SLC47A2: variants seen among roughly 807,000 people sequenced by gnomAD.
The protein encoded by SLC47A2 is solute carrier family 47 member 2, also known as multidrug and toxin extrusion protein 2.
Under a neutral mutation model 67.7 loss-of-function variants are expected in SLC47A2, and 52 were observed. The ratio of observed to expected loss-of-function variants is 0.77; its 90% confidence interval spans 0.61 to 0.97. The LOEUF (loss-of-function observed/expected upper bound fraction) is 0.97, where lower values mean the gene tolerates loss of function less well. Among genes scored for constraint, SLC47A2 ranks in the 50% least tolerant of loss-of-function variants. The pLI is 0.00. For missense variants in SLC47A2, 676 were observed against 712.3 expected (o/e 0.95, Z 0.58); for synonymous variants, 278 against 292.9 (o/e 0.95, Z 0.52).
At chr17:19,706,581 G>C (rs1297066671) in intron 9 of SLC47A2, 67 bp downstream of exon 9, 2 of 1,352,588 alleles carry the variant, frequency 1.5e-6, no homozygotes, top group African/African-American at 3.0e-5. Flanking sequence ...CGCCATCCTG[G>C]GGAGGGGGCT....
chr17:19,703,466 T>C (rs1408779497), intron 11 of SLC47A2, among the ~76,000 whole-genome samples: 1 of 152,244 alleles, frequency 6.6e-6, no homozygotes, highest in Non-Finnish European at 1.5e-5. Flanking sequence ...TCTCAGACCC[T>C]GCCTCCGACC....
intron 4 of SLC47A2, among the ~76,000 whole-genome samples, chr17:19,713,375 G>A (rs777249127): frequency 2.1e-4 from 31 of 151,086 alleles, no homozygotes; most frequent in Non-Finnish European, 4.0e-4. Context: ...GCGACAGAGC[G>A]AGACTCTGTC....
At chr17:19,712,230 T>C (rs970473105) in intron 5 of SLC47A2, among the ~76,000 whole-genome samples, 3 of 151,972 alleles carry the variant, frequency 2.0e-5, no homozygotes, top group Non-Finnish European at 1.5e-5. Context: ...TACTAAAAAA[T>C]ACAAAAATTA....
At chr17:19,679,882 G>A in intron 16 of SLC47A2, 70 bp downstream of exon 16, 1 of 1,464,196 alleles carries the variant, frequency 6.8e-7, no homozygotes. Context: ...AGGCACAGAG[G>A]GCAGACAAGA....
chr17:19,686,474 G>T (rs1485375691), intron 13 of SLC47A2, among the ~76,000 whole-genome samples: 1 of 152,106 alleles, frequency 6.6e-6, no homozygotes, highest in Admixed American at 6.5e-5. Context: ...GAATGTAAAT[G>T]AACTAAAAAC....
rs2085405727 is a variant in SLC47A2, at chr17:19,685,419, C to G, written c.1165-3749G>C. Among the ~76,000 whole-genome samples the G allele has an allele frequency of 1.3e-5, 2 of 151,848 alleles. No homozygotes were observed. Among genetic ancestry groups the G allele is most frequent in the African/African-American group, 4.8e-5 (2 of 41,306 alleles). On this transcript the variant is annotated intron_variant, in intron 13 of 16. Coordinates refer to ENST00000433844, the MANE Select transcript of SLC47A2 (RefSeq NM_001099646.3). The surrounding 1 kb of genome is among the most constrained non-coding windows in gnomAD (Gnocchi z 4.5). ...GTGAGGAGCGTCTCTGCCTGGCCGC[C>G]CATCATCTGGGATGTGAGGAGCCCC... is the stretch of plus-strand genomic sequence containing the variant.
Position 19,702,585 on chromosome 17 carries a change from T to C in SLC47A2, c.1164+20A>G. ...AATCATGTCCCAGGGAGTCAGGCTT[T>C]GGATCAAAGTGGTACTTACACAGAT... is the stretch of plus-strand genomic sequence containing the variant. On this transcript the variant is annotated intron_variant, in intron 13 of 16. Transcript: ENST00000433844. 6.2e-7 allele frequency: 1 copy of C among 1,613,474 alleles called. No individual in the cohort carries two copies. Among genetic ancestry groups the C allele is most frequent in the Non-Finnish European group, 8.5e-7 (1 of 1,179,842 alleles).
intron 13 of SLC47A2, among the ~76,000 whole-genome samples, chr17:19,696,426 C>T (rs1464394432): frequency 6.8e-6 from 1 of 146,924 alleles, no homozygotes; most frequent in African/African-American, 2.5e-5. Flanking sequence ...TGCAGTACTG[C>T]ACTCCAGCCT....
chr17:19,701,482 T>C (rs35244631), intron 13 of SLC47A2, among the ~76,000 whole-genome samples: 42,959 of 152,056 alleles, frequency 0.28, 6,457 homozygotes, highest in East Asian at 0.44. Context: ...TGCAAGTGTT[T>C]TTTCCCCAGG....
chr17:19,715,635 A>G (rs1256936098), intron 1 of SLC47A2: 1 of 155,296 alleles, frequency 6.4e-6, no homozygotes, highest in Non-Finnish European at 1.4e-5. Context: ...TCTTCTTTAT[A>G]TCTTTCATTT....
chr17:19,704,694 T>A (rs1432514621), intron 10 of SLC47A2: 1 of 1,549,814 alleles, frequency 6.5e-7, no homozygotes, highest in East Asian at 2.4e-5. Flanking sequence ...TGGCTGTGTC[T>A]CTGTGGGGAG....
In SLC47A2 at chr17:19,693,779, C is replaced by G. The variant is rs904067390; in HGVS notation, c.1164+8826G>C. On this transcript the variant is annotated intron_variant, in intron 13 of 16. Transcript: ENST00000433844. Reference sequence around the variant, plus strand: ...CGCCATTGCTCTCTAGCCTGGGCGACAGAGCGAGACTCCGTCTCAGAACAA... The same window carrying G: ...CGCCATTGCTCTCTAGCCTGGGCGAGAGAGCGAGACTCCGTCTCAGAACAA... Among the ~76,000 whole-genome samples, 3 of 152,074 alleles carry G rather than the reference C, an allele frequency of 2.0e-5. No homozygotes were observed. The South Asian group carries it at 6.2e-4, about 32-fold the overall frequency.
At position 19,716,432 on chromosome 17, in the gene SLC47A2, C is replaced by T; in HGVS notation, c.123+1G>A. 1 of 1,608,656 alleles carries T rather than the reference C, an allele frequency of 6.2e-7. No homozygotes were observed. Among genetic ancestry groups the T allele is most frequent in the South Asian group, 1.1e-5 (1 of 89,732 alleles). ...CCTGCCCCCCAGCTCCTCCTCCTTA[C>T]CAGGGGTCCAGAAAGGGCAAAGAGA... On this transcript the variant is annotated splice_donor_variant, in intron 1 of 16. Coordinates refer to ENST00000433844, the MANE Select transcript of SLC47A2 (RefSeq NM_001099646.3). LOFTEE classifies it high-confidence loss of function.
chr17:19,704,309 C>G, intron 10 of SLC47A2, 131 bp from the exon 11 acceptor site: 1 of 705,506 alleles, frequency 1.4e-6, no homozygotes, highest in Non-Finnish European at 2.3e-6. Flanking sequence ...GTAAGAGGCA[C>G]GTCACATTCT....
chr17:19,697,706 G>A (rs914792176), intron 13 of SLC47A2, among the ~76,000 whole-genome samples: 1 of 151,328 alleles, frequency 6.6e-6, no homozygotes, highest in African/African-American at 2.4e-5. Context: ...TCCCACCTCA[G>A]CCTCCCTAGT....
At chr17:19,702,034 A>T (rs767658227) in intron 13 of SLC47A2, 4 of 666,660 alleles carry the variant, frequency 6.0e-6, no homozygotes, top group Admixed American at 6.3e-5. Flanking sequence ...ACTTGAGCTC[A>T]GGAGGTTGAG....
chr17:19,712,411 G>T (rs1210797643), intron 5 of SLC47A2, among the ~76,000 whole-genome samples: 2 of 152,180 alleles, frequency 1.3e-5, no homozygotes, highest in Non-Finnish European at 2.9e-5. Context: ...CCTGGAGAGA[G>T]ATAGTAACAT....
Position 19,715,219 on chromosome 17 carries a change from T to C in SLC47A2, c.124-2A>G. The C allele has an allele frequency of 6.2e-7, 1 of 1,608,394 alleles. No individual in the cohort carries two copies. The highest frequency in any genetic ancestry group is 8.5e-7 in the Non-Finnish European group (1 of 1,179,878). On this transcript the variant is annotated splice_acceptor_variant, in intron 1 of 16. Transcript: ENST00000433844. LOFTEE classifies it high-confidence loss of function. Reference sequence around the variant, plus strand: ...AAAAGTCAGCACCTGGAACAGGAACTGGAGGACAGCGGCCAGGTCAGACTC... The same window carrying C: ...AAAAGTCAGCACCTGGAACAGGAACCGGAGGACAGCGGCCAGGTCAGACTC...
intron 13 of SLC47A2, among the ~76,000 whole-genome samples, chr17:19,700,918 C>A (rs571297946): frequency 6.6e-6 from 1 of 151,784 alleles, no homozygotes. Flanking sequence ...GTAATCCCAG[C>A]GCATTTTGGG....
Sources: allele counts gnomAD v4.1 joint callset (sites outside exome capture counted in the v4.1 genomes callset), GRCh38; gene constraint gnomAD v4.1.1; non-coding constraint Gnocchi (gnomAD v3.1); transcripts MANE v1.5; gene names NCBI Gene and HGNC (gene_info 2026-07-23, HGNC 2026-07-21).